The following MEGF10 variants were observed in gnomAD, a reference collection of about 807,000 sequenced individuals.
The protein encoded by MEGF10 is multiple EGF like domains 10.
A neutral mutation model predicts 147.5 loss-of-function variants in MEGF10; 86 were observed. The observed-to-expected ratio is 0.58, with a 90% confidence interval of 0.49 to 0.70. The LOEUF is 0.70. MEGF10 is among the 30% of genes least tolerant of loss of function. The pLI is 0.00. For missense variants in MEGF10, 1,329 were observed against 1,487.3 expected, an observed-to-expected ratio of 0.89 and a Z score of 1.75; for synonymous variants, 478 against 525.5, an observed-to-expected ratio of 0.91 and a Z score of 1.24.
intron 5 of MEGF10, among the ~76,000 whole-genome samples, chr5:127,394,482 C>T (rs1427899427): frequency 2.0e-5 from 3 of 152,076 alleles, no homozygotes; most frequent in Non-Finnish European, 4.4e-5. Flanking sequence ...TTTTCTTACT[C>T]TTGAGGATTG....
chr5:127,432,045 C>T (rs1390434497), intron 13 of MEGF10, among the ~76,000 whole-genome samples: 1 of 151,902 alleles, frequency 6.6e-6, no homozygotes, highest in Non-Finnish European at 1.5e-5. Context: ...ACATTTAAAC[C>T]CCAATTGGTT....
chr5:127,287,876 T>C (rs1182085037), upstream of MEGF10, among the ~76,000 whole-genome samples: 2 of 152,068 alleles, frequency 1.3e-5, no homozygotes, highest in African/African-American at 2.4e-5. Context: ...CTGAACAGTA[T>C]GGTTTTGGCA....
Position 127,374,154 on chromosome 5 carries a change from AG to A in MEGF10, c.412+4153del, listed in dbSNP as rs528460294. Among the ~76,000 whole-genome samples, 789 of 152,350 alleles carry A rather than the reference AG, an allele frequency of 5.2e-3. 10 individuals carry two copies. Among genetic ancestry groups the A allele is most frequent in the South Asian group, 0.033 (157 of 4,830 alleles). ...TGCTACAGAAACAAGGCATTGGAAA[AG>A]CCATAGGTGCTCCAGGAGCCAGGTA... On this transcript the variant is annotated intron_variant, in intron 5 of 24. Transcript: ENST00000503335.
chr5:127,247,343 A>G, the MEGF10 span, among the ~76,000 whole-genome samples: 2 of 2,164 alleles, frequency 9.2e-4, no homozygotes, highest in East Asian at 0.017. Flanking sequence ...AAGAAGAAGA[A>G]GAAGAAGAAG....
At chr5:127,241,792 G>T in the MEGF10 span, among the ~76,000 whole-genome samples, 2 of 152,060 alleles carry the variant, frequency 1.3e-5, no homozygotes, top group Admixed American at 6.6e-5. Flanking sequence ...TGGTACATTA[G>T]GGTGTGATAG....
the MEGF10 span, among the ~76,000 whole-genome samples, chr5:127,261,622 T>C: frequency 2.6e-5 from 4 of 152,212 alleles, no homozygotes; most frequent in African/African-American, 9.6e-5. Context: ...AGTGTATACT[T>C]AGGAGTGGAA....
chr5:127,252,026 T>A, the MEGF10 span, among the ~76,000 whole-genome samples: 1 of 151,950 alleles, frequency 6.6e-6, no homozygotes, highest in Non-Finnish European at 1.5e-5. Context: ...ATATTCAACC[T>A]CATTGGTAAT....
rs550264489 is a variant in MEGF10 at position 127,338,768 on chromosome 5, T to C, written c.117-352T>C. The stretch of plus-strand genomic sequence containing the variant: ...GCAGACTTAGAATGAAAACCTTCTG[T>C]GAATGATCTTTGTTATGCTTTGAGC... On this transcript the variant is annotated intron_variant, in intron 2 of 24. Transcript: ENST00000503335. 3.4e-3 allele frequency among the ~76,000 whole-genome samples: 514 copies of C among 152,220 alleles called. 2 individuals are homozygous for C. The Middle Eastern group carries it at 0.061, about 18-fold the overall frequency.
At chr5:127,233,232 G>A in the MEGF10 span, among the ~76,000 whole-genome samples, 583 of 152,274 alleles carry the variant, frequency 3.8e-3, 2 homozygotes, top group Non-Finnish European at 6.2e-3. Flanking sequence ...GTTAGGCTCC[G>A]CAGAATCCTT....
intron 17 of MEGF10, among the ~76,000 whole-genome samples, chr5:127,439,792 T>C (rs535144705): frequency 6.6e-6 from 1 of 152,268 alleles, no homozygotes; most frequent in South Asian, 2.1e-4. Context: ...TGGGGCTTAG[T>C]TCCTGTCTAC....
At chr5:127,355,050 AG>A in intron 4 of MEGF10, among the ~76,000 whole-genome samples, 1 of 152,260 alleles carries the variant, frequency 6.6e-6, no homozygotes, top group Middle Eastern at 3.4e-3. Flanking sequence ...CCTGCTGAAA[AG>A]TTTAGGGCCC....
chr5:127,410,426 C>T lies in MEGF10; in HGVS notation c.955C>T (p.Leu319Phe), dbSNP rs1764509580. The change falls in exon 9 of 25, where the codon CTC becomes TTC. Residue 319 changes from leucine (L) to phenylalanine (F), a missense_variant. Coordinates refer to ENST00000503335, the MANE Select transcript of MEGF10 (RefSeq NM_001256545.2). ...DECPVGTYGVLCAETCQCVNG... is the reference protein window; with the variant it reads ...DECPVGTYGVFCAETCQCVNG... Reference sequence around the variant, plus strand: ...GTGTCCTGTTGGGACCTATGGCGTTCTCTGTGCTGAGACCTGCCAGTGTGT... The same window carrying T: ...GTGTCCTGTTGGGACCTATGGCGTTTTCTGTGCTGAGACCTGCCAGTGTGT... 6.2e-7 allele frequency: 1 copy of T among 1,614,112 alleles called. No individual in the cohort carries two copies. The highest frequency in any genetic ancestry group is 1.7e-5 in the Admixed American group (1 of 60,008).
At position 127,359,007 on chromosome 5, in the gene MEGF10, A is replaced by G. The variant is rs563758941; in HGVS notation, c.320-10903A>G. 2.0e-5 allele frequency among the ~76,000 whole-genome samples: 3 copies of G among 151,786 alleles called. 1 individual carries two copies. The highest frequency in any genetic ancestry group is 7.2e-5 in the African/African-American group (3 of 41,408). Reference sequence around the variant, plus strand: ...TATGTGCCCCACAGATGGTATTTCAATCCCTTGTGTGGGATCCATTACAAC... The same window carrying G: ...TATGTGCCCCACAGATGGTATTTCAGTCCCTTGTGTGGGATCCATTACAAC... On this transcript the variant is annotated intron_variant, in intron 4 of 24. Coordinates refer to ENST00000503335, the MANE Select transcript of MEGF10 (RefSeq NM_001256545.2).
rs146279465 is a variant in MEGF10 at position 127,417,770 on chromosome 5, T to C, written c.1263T>C (p.Cys421=). 4.3e-6 allele frequency: 7 copies of C among 1,613,972 alleles called. No individual in the cohort carries two copies. The African/African-American group carries it at 8.0e-5, about 18-fold the overall frequency. The stretch of plus-strand genomic sequence containing the variant: ...GCAGCTGCCAAAATGGGGCAGACTG[T>C]GACAGTGTGACTGGAAAGTGCACCT... ...QICSCQNGAD[C]DSVTGKCTCA... Residue 421 remains cysteine (C), a synonymous_variant, in exon 10 of 25, where the codon TGT becomes TGC. Coordinates refer to ENST00000503335, the MANE Select transcript of MEGF10 (RefSeq NM_001256545.2).
the MEGF10 span, among the ~76,000 whole-genome samples, chr5:127,263,910 G>A: frequency 6.6e-6 from 1 of 152,152 alleles, no homozygotes; most frequent in Admixed American, 6.5e-5. Flanking sequence ...CCTGCACAAT[G>A]TAATTCCCAT....
intron 5 of MEGF10, among the ~76,000 whole-genome samples, chr5:127,387,802 T>C (rs980919275): frequency 1.3e-5 from 2 of 152,224 alleles, no homozygotes; most frequent in Non-Finnish European, 2.9e-5. Context: ...CCTCATAATG[T>C]AATAATGCCT....
chr5:127,445,396 A>G (rs1765904933), intron 19 of MEGF10, 61 bp from the exon 20 acceptor site: 2 of 1,301,502 alleles, frequency 1.5e-6, no homozygotes, highest in Non-Finnish European at 2.2e-6. Context: ...TTTTGTAAGT[A>G]GAGATCAAAC....
chr5:127,261,259 TTA>T, the MEGF10 span, among the ~76,000 whole-genome samples: 12 of 152,312 alleles, frequency 7.9e-5, 1 homozygote, highest in Admixed American at 5.2e-4. Context: ...CCAAATCCCC[TTA>T]TACCCCACTG....
chr5:127,370,782 T>G (rs1286338150), intron 5 of MEGF10, among the ~76,000 whole-genome samples: 1 of 152,202 alleles, frequency 6.6e-6, no homozygotes, highest in African/African-American at 2.4e-5. Flanking sequence ...CGTAATTGCA[T>G]CCACTTCCTT....
Sources: allele counts gnomAD v4.1 joint callset (sites outside exome capture counted in the v4.1 genomes callset), GRCh38; gene constraint gnomAD v4.1.1; transcripts MANE v1.5; gene names NCBI Gene and HGNC (gene_info 2026-07-23, HGNC 2026-07-21).